MMP12: variants seen among roughly 807,000 people sequenced by gnomAD.
MMP12 encodes the protein matrix metallopeptidase 12.
A neutral mutation model predicts 45.2 loss-of-function variants in MMP12; 51 were observed. The ratio of observed to expected loss-of-function variants is 1.13; its 90% CI spans 0.90 to 1.42. The LOEUF (loss-of-function observed/expected upper bound fraction) is 1.42. Among genes scored for constraint, MMP12 ranks in the 40% most tolerant of loss-of-function variants. MMP12 has a pLI of 0.00. For synonymous variants in MMP12, 210 were observed against 193.3 expected (o/e 1.09, Z -0.72); for missense variants, 530 against 570.8 (o/e 0.93, Z 0.73).
At chr11:102,867,847 G>A in intron 5 of MMP12, 61 bp downstream of exon 5, 1 of 1,489,546 alleles carries the variant, frequency 6.7e-7, no homozygotes, top group Non-Finnish European at 9.2e-7. Context: ...TATAGATATT[G>A]TTAGACTATT....
In MMP12 at chr11:102,867,364, T is replaced by C; in HGVS notation, c.817A>G (p.Asn273Asp). 1 of 1,611,182 alleles carries C rather than the reference T, an allele frequency of 6.2e-7. No homozygotes were observed. Among genetic ancestry groups the C allele is most frequent in the Non-Finnish European group, 8.5e-7 (1 of 1,178,742 alleles). Reference protein sequence around the residue: ...GDPKENQRLPNPDNSEPALCD... With the variant: ...GDPKENQRLPDPDNSEPALCD... ...AGAGCTGGTTCTGAATTGTCAGGAT[T>C]TGGCAAGCGTTGGTTCTCTTTTGGG... The change falls in exon 6 of 10, where the codon AAT (asparagine) becomes GAT (aspartate). Residue 273 changes from asparagine (N) to aspartate (D), a missense_variant. Transcript: ENST00000571244.
chr11:102,865,764 A>G lies in MMP12; in HGVS notation c.1205+12T>C, dbSNP rs368377224. 7.5e-6 allele frequency: 12 copies of G among 1,602,068 alleles called. No homozygotes were observed. The African/African-American group carries it at 1.3e-4, about 18-fold the overall frequency. On this transcript the variant is annotated intron_variant, in intron 8 of 9. Coordinates refer to ENST00000571244, the MANE Select transcript of MMP12 (RefSeq NM_002426.6). This position sits in a 1 kb window ranked among gnomAD's most constrained non-coding sequence, Gnocchi z 4.1. ...AATCTGAGGGGTCGAATGACCAACC[A>G]TTAAAACTCACCTCCAATACTGGTT... is the stretch of plus-strand genomic sequence containing the variant.
intron 2 of MMP12, 84 bp from the exon 3 acceptor site, chr11:102,872,036 A>G (rs1859508871): frequency 1.0e-5 from 14 of 1,339,216 alleles, no homozygotes; most frequent in Middle Eastern, 1.9e-4. Context: ...TGCTAGCACA[A>G]TTGGAAAATG....
chr11:102,867,840 A>G, intron 5 of MMP12, 68 bp downstream of exon 5: 1 of 1,454,874 alleles, frequency 6.9e-7, no homozygotes, highest in Non-Finnish European at 9.4e-7. Flanking sequence ...ATCCAAATAT[A>G]GATATTGTTA....
intron 8 of MMP12, 75 bp from the exon 9 acceptor site, chr11:102,864,327 C>A: frequency 1.1e-6 from 1 of 935,554 alleles, no homozygotes; most frequent in South Asian, 1.4e-5. Flanking sequence ...CCCACCTTCT[C>A]TACTGAAGAG....
intron 4 of MMP12, among the ~76,000 whole-genome samples, chr11:102,868,950 T>C (rs28381678): frequency 6.6e-6 from 1 of 152,210 alleles, no homozygotes; most frequent in Non-Finnish European, 1.5e-5. Flanking sequence ...TTTTTATCTA[T>C]GATTAAAATA....
Position 102,871,864 on chromosome 11 carries a change from A to G in MMP12, c.439T>C (p.Leu147=), listed in dbSNP as rs908720939. 2 of 1,613,690 alleles carry G rather than the reference A, an allele frequency of 1.2e-6. No homozygotes were observed. Among genetic ancestry groups the G allele is most frequent in the Admixed American group, 1.7e-5 (1 of 59,988 alleles). Residue 147 remains leucine (L), a synonymous_variant, in exon 3 of 10, where the codon TTG becomes CTG. Transcript: ENST00000571244. The part of the protein sequence containing the change: ...AFQVWSNVTP[L]KFSKINTGMA... Reference sequence around the variant, plus strand: ...CCTGTGTTAATCTTGCTGAATTTCAAGGGGGTAACATTACTCCATACTTGG... The same window carrying G: ...CCTGTGTTAATCTTGCTGAATTTCAGGGGGGTAACATTACTCCATACTTGG...
At chr11:102,873,363 G>C (rs1240908014) in intron 1 of MMP12, among the ~76,000 whole-genome samples, 1 of 152,140 alleles carries the variant, frequency 6.6e-6, no homozygotes, top group African/African-American at 2.4e-5. Flanking sequence ...ATTTCGGGAG[G>C]CTGAGGCAGG....
chr11:102,865,776 C>T lies in MMP12; in HGVS notation c.1205G>A (p.Arg402Lys). Residue 402 changes from arginine (R) to lysine (K), a missense_variant and splice_region_variant, in exon 8 of 10, where the codon AGG (arginine) becomes AAG (lysine). By Grantham distance (26) the Arg-to-Lys change is conservative (BLOSUM62 2). Coordinates refer to ENST00000571244, the MANE Select transcript of MMP12 (RefSeq NM_002426.6). This position sits in a 1 kb window ranked among gnomAD's most constrained non-coding sequence, Gnocchi z 4.1. ...TYFFVDNQYW[R>K]YDERRQMMDP... Reference sequence around the variant, plus strand: ...CGAATGACCAACCATTAAAACTCACCTCCAATACTGGTTATCTACAAAGAA... The same window carrying T: ...CGAATGACCAACCATTAAAACTCACTTCCAATACTGGTTATCTACAAAGAA... 12 of 1,607,912 alleles carry T rather than the reference C, an allele frequency of 7.5e-6. No homozygotes were observed. The highest frequency in any genetic ancestry group is 1.0e-5 in the Non-Finnish European group (12 of 1,176,878).
intron 7 of MMP12, 30 bp downstream of exon 7, chr11:102,866,285 C>T (rs201642679): frequency 6.5e-7 from 1 of 1,543,798 alleles, no homozygotes; most frequent in Non-Finnish European, 8.7e-7. Context: ...TTGAAGTAAA[C>T]TCAATGGCAA....
intron 5 of MMP12, 37 bp from the exon 6 acceptor site, chr11:102,867,430 T>A: frequency 5.7e-6 from 9 of 1,581,398 alleles, no homozygotes; most frequent in African/African-American, 1.4e-5. Context: ...GTAAACAAAA[T>A]CTGCATTGTA....
chr11:102,874,739 G>A (rs1859562207), intron 1 of MMP12, 97 bp downstream of exon 1: 1 of 795,876 alleles, frequency 1.3e-6, no homozygotes, highest in East Asian at 2.8e-5. Context: ...ATACGTAAAA[G>A]CAAACAAACA....
chr11:102,873,619 A>G (rs1317688773), intron 1 of MMP12, among the ~76,000 whole-genome samples: 1 of 152,062 alleles, frequency 6.6e-6, no homozygotes, highest in African/African-American at 2.4e-5. Context: ...AAAAACAAAA[A>G]CAAACAAAAA....
At position 102,865,705 on chromosome 11, in the gene MMP12, C is replaced by T; in HGVS notation, c.1205+71G>A. The T allele has an allele frequency of 7.7e-7, 1 of 1,305,970 alleles. No homozygotes were observed. Among genetic ancestry groups the T allele is most frequent in the Non-Finnish European group, 1.0e-6 (1 of 965,164 alleles). 80.9% of individuals were successfully genotyped at this position (1,305,970 alleles called of 1,614,324 possible). ...TTTGGGAATTTGCGCAGAAAATGTG[C>T]CTTCTAGAAAGCCTCATTCCATATC... On this transcript the variant is annotated intron_variant, in intron 8 of 9. Coordinates refer to ENST00000571244, the MANE Select transcript of MMP12 (RefSeq NM_002426.6). The surrounding 1 kb of genome is among the most constrained non-coding windows in gnomAD (Gnocchi z 4.1).
chr11:102,872,008 A>G (rs563844742), intron 2 of MMP12, 56 bp from the exon 3 acceptor site: 201 of 1,491,634 alleles, frequency 1.3e-4, no homozygotes, highest in Non-Finnish European at 1.7e-4. Flanking sequence ...ATTTTGTCTT[A>G]CCACAATACT....
chr11:102,871,495 A>G (rs1420829744), intron 4 of MMP12, 99 bp downstream of exon 4: 1 of 1,366,614 alleles, frequency 7.3e-7, no homozygotes, highest in African/African-American at 1.5e-5. Context: ...GTCAGAATGT[A>G]GTCTCTCGAA....
chr11:102,874,028 CAAAA>C (rs35364937), intron 1 of MMP12, among the ~76,000 whole-genome samples: 1 of 97,490 alleles, frequency 1.0e-5, no homozygotes, highest in Non-Finnish European at 2.2e-5. Context: ...AACCCTGTCT[CAAAA>C]AAAAAAAAAA....
At position 102,864,184 on chromosome 11, in the gene MMP12, A is replaced by G. The variant is rs781905781; in HGVS notation, c.1274T>C (p.Ile425Thr). Residue 425 changes from isoleucine (I) to threonine (T), a missense_variant, in exon 9 of 10, where the codon ATC becomes ACC. Coordinates refer to ENST00000571244, the MANE Select transcript of MMP12 (RefSeq NM_002426.6). ...GAAGACTGCATCAATTTTAGGCCCG[A>G]TTCCTTGGAAGTTCTTGGTAATCAG... ...PKLITKNFQG[I>T]GPKIDAVFYS... The G allele has an allele frequency of 6.2e-7, 1 of 1,613,776 alleles. No homozygotes were observed. The highest frequency in any genetic ancestry group is 8.5e-7 in the Non-Finnish European group (1 of 1,179,780).
intron 9 of MMP12, 94 bp from the exon 10 acceptor site, chr11:102,863,294 G>T: frequency 4.0e-6 from 3 of 753,098 alleles, no homozygotes; most frequent in Non-Finnish European, 6.6e-6. Context: ...AGATTATCTA[G>T]AATAGATGAC....
Sources: gnomAD v4.1 joint callset for allele counts (sites outside exome capture counted in the v4.1 genomes callset) on GRCh38, gnomAD v4.1.1 for gene constraint, Gnocchi (gnomAD v3.1) non-coding constraint, MANE v1.5 for transcripts, NCBI Gene and HGNC (gene_info 2026-07-23, HGNC 2026-07-21) for gene names.